Variants in TCF7L1 observed in about 807,000 individuals in gnomAD.
The protein encoded by TCF7L1 is transcription factor 7 like 1.
TCF7L1 carries 18 observed loss-of-function variants against 63.7 expected under a neutral mutation model. That is an observed-to-expected ratio of 0.28 (90% CI 0.20 to 0.42). TCF7L1 has a LOEUF of 0.42. Ranked by LOEUF, TCF7L1 falls within the 10% of genes least tolerant of loss-of-function variation. The probability of loss-of-function intolerance (pLI) is 1.00; values close to 1 mark genes in which losing one functional copy is unlikely to be tolerated. For missense variants in TCF7L1, 654 were observed against 779.3 expected, an observed-to-expected ratio of 0.84 and a Z score of 1.91; for synonymous variants, 355 against 340.9, an observed-to-expected ratio of 1.04 and a Z score of -0.46.
At chr2:85,143,594 G>C (rs1391694238) in intron 3 of TCF7L1, among the ~76,000 whole-genome samples, 2 of 152,158 alleles carry the variant, frequency 1.3e-5, no homozygotes, top group Non-Finnish European at 2.9e-5. Context: ...CAAGTATCTC[G>C]TACAAGGTTA....
intron 3 of TCF7L1, among the ~76,000 whole-genome samples, chr2:85,229,206 C>G (rs568434913): frequency 2.7e-5 from 4 of 150,446 alleles, no homozygotes; most frequent in African/African-American, 9.8e-5. Context: ...ATTAGCTGGG[C>G]GTGTTGGCAC....
intron 3 of TCF7L1, among the ~76,000 whole-genome samples, chr2:85,160,393 T>C (rs1678257559): frequency 6.6e-6 from 1 of 152,108 alleles, no homozygotes; most frequent in African/African-American, 2.4e-5. Flanking sequence ...CCCAGCAAAT[T>C]TTCGTATTTT....
intron 3 of TCF7L1, among the ~76,000 whole-genome samples, chr2:85,147,686 C>T (rs1239678776): frequency 6.6e-6 from 1 of 152,138 alleles, no homozygotes; most frequent in Non-Finnish European, 1.5e-5. Context: ...CTTGGGGATC[C>T]ACTCACTGGC....
At chr2:85,297,701 C>T (rs1013291317) in intron 4 of TCF7L1, among the ~76,000 whole-genome samples, 2 of 151,844 alleles carry the variant, frequency 1.3e-5, no homozygotes, top group Non-Finnish European at 2.9e-5. Context: ...GGGAAGATCC[C>T]GTGAGCCCAG....
At chr2:85,150,318 C>G (rs1279918995) in intron 3 of TCF7L1, among the ~76,000 whole-genome samples, 2 of 151,842 alleles carry the variant, frequency 1.3e-5, no homozygotes, top group Non-Finnish European at 2.9e-5. Flanking sequence ...ACTGCAACCT[C>G]CACCTCCCGG....
At chr2:85,195,410 A>G (rs748717887) in intron 3 of TCF7L1, among the ~76,000 whole-genome samples, 1 of 152,232 alleles carries the variant, frequency 6.6e-6, no homozygotes, top group Non-Finnish European at 1.5e-5. Context: ...TGATTGTGCC[A>G]CTGCACTTCA....
At chr2:85,160,562 A>C (rs1364038315) in intron 3 of TCF7L1, among the ~76,000 whole-genome samples, 1 of 152,112 alleles carries the variant, frequency 6.6e-6, no homozygotes, top group East Asian at 1.9e-4. Context: ...TTTTTAAAAA[A>C]AGAAGCAGGC....
chr2:85,169,864 G>C (rs1314653198), intron 3 of TCF7L1, among the ~76,000 whole-genome samples: 1 of 152,176 alleles, frequency 6.6e-6, no homozygotes, highest in Non-Finnish European at 1.5e-5. Context: ...CATTAGCCTG[G>C]AATGCAAGGG....
At chr2:85,223,070 A>G (rs1469664429) in intron 3 of TCF7L1, among the ~76,000 whole-genome samples, 1 of 152,102 alleles carries the variant, frequency 6.6e-6, no homozygotes, top group East Asian at 1.9e-4. Context: ...TTTTGTGTAC[A>G]TTGGAAATTT....
chr2:85,210,228 G>T (rs995585099), intron 3 of TCF7L1, among the ~76,000 whole-genome samples: 2 of 152,128 alleles, frequency 1.3e-5, no homozygotes, highest in Non-Finnish European at 2.9e-5. Context: ...GAGAGGCCTC[G>T]CTCCTGCCTG....
At chr2:85,259,416 G>C (rs1192606953) in intron 3 of TCF7L1, among the ~76,000 whole-genome samples, 2 of 152,198 alleles carry the variant, frequency 1.3e-5, no homozygotes, top group East Asian at 3.8e-4. Flanking sequence ...CTCGCTGCTG[G>C]GAGGCAAATT....
chr2:85,156,266 T>C (rs910411832), intron 3 of TCF7L1, among the ~76,000 whole-genome samples: 5 of 152,128 alleles, frequency 3.3e-5, no homozygotes, highest in African/African-American at 1.2e-4. Flanking sequence ...ACTAGGAAAA[T>C]AGTACATTGA....
At chr2:85,258,997 G>C (rs954724210) in intron 3 of TCF7L1, among the ~76,000 whole-genome samples, 2 of 152,038 alleles carry the variant, frequency 1.3e-5, no homozygotes, top group African/African-American at 4.8e-5. Flanking sequence ...CCACCTCTTG[G>C]CCTAACTCTG....
chr2:85,178,489 G>A (rs1039953428), intron 3 of TCF7L1, among the ~76,000 whole-genome samples: 44 of 152,186 alleles, frequency 2.9e-4, no homozygotes, highest in African/African-American at 7.2e-5. Context: ...GCTGGAGAAG[G>A]AGCAGGGTGG....
chr2:85,293,002 G>A (rs2104379126), intron 4 of TCF7L1, among the ~76,000 whole-genome samples: 1 of 152,322 alleles, frequency 6.6e-6, no homozygotes, highest in Admixed American at 6.5e-5. Flanking sequence ...CTTGTTAAGG[G>A]GGAGGTTCAG....
intron 3 of TCF7L1, among the ~76,000 whole-genome samples, chr2:85,137,905 A>AG (rs1189652839): frequency 6.6e-6 from 1 of 152,032 alleles, no homozygotes; most frequent in African/African-American, 2.4e-5. Flanking sequence ...AAAAAAAAAA[A>AG]AAAAGAAAGA....
intron 3 of TCF7L1, among the ~76,000 whole-genome samples, chr2:85,244,782 G>A (rs767029315): frequency 6.6e-6 from 1 of 152,162 alleles, no homozygotes; most frequent in Non-Finnish European, 1.5e-5. Context: ...GAGACTGGAG[G>A]AGATCCCTGA....
chr2:85,148,361 C>T (rs1426233064), intron 3 of TCF7L1, among the ~76,000 whole-genome samples: 1 of 152,104 alleles, frequency 6.6e-6, no homozygotes, highest in Non-Finnish European at 1.5e-5. Flanking sequence ...ACTAACAGGC[C>T]ACCCCTTGTC....
chr2:85,229,126 C>T (rs1317350023), intron 3 of TCF7L1, among the ~76,000 whole-genome samples: 3 of 152,002 alleles, frequency 2.0e-5, no homozygotes, highest in African/African-American at 7.3e-5. Context: ...GCGTGCGGAT[C>T]ACAAGGTCAA....
Sources: allele counts gnomAD v4.1 joint callset (sites outside exome capture counted in the v4.1 genomes callset), GRCh38; gene constraint gnomAD v4.1.1; transcripts MANE v1.5; gene names NCBI Gene and HGNC (gene_info 2026-07-23, HGNC 2026-07-21).